Variants in ZFP64 observed in about 807,000 individuals in gnomAD.
The protein encoded by ZFP64 is ZFP64 zinc finger protein, also known as zinc finger protein 64.
Under a neutral mutation model 51.6 loss-of-function variants are expected in ZFP64, and 14 were observed. The observed-to-expected ratio is 0.27, with a 90% CI of 0.18 to 0.42. The LOEUF (loss-of-function observed/expected upper bound fraction) is 0.42, where lower values mean the gene tolerates loss of function less well. ZFP64 is among the 10% of genes least tolerant of loss of function. ZFP64 has a pLI of 1.00. For missense variants in ZFP64, 754 were observed against 906.8 expected (o/e 0.83, Z 2.16); for synonymous variants, 375 against 361.4 (o/e 1.04, Z -0.43).
At chr20:52,178,711 C>T (rs1450133932) in intron 2 of ZFP64, among the ~76,000 whole-genome samples, 1 of 151,974 alleles carries the variant, frequency 6.6e-6, no homozygotes, top group African/African-American at 2.4e-5. Flanking sequence ...AGGAAATGCC[C>T]CCTTTCCCAC....
intron 1 of ZFP64, 21 bp from the exon 2 acceptor site, chr20:52,187,092 G>GT: frequency 6.3e-7 from 1 of 1,590,706 alleles, no homozygotes; most frequent in Non-Finnish European, 8.6e-7. Context: ...CAAAGGGAAA[G>GT]TAACGGATTA....
chr20:52,136,082 G>C (rs1343618528), intron 5 of ZFP64, among the ~76,000 whole-genome samples: 1 of 121,064 alleles, frequency 8.3e-6, no homozygotes, highest in African/African-American at 3.1e-5. Context: ...CTAGGCGATG[G>C]AGGGAGACTC....
chr20:52,169,963 G>A (rs1351866262), intron 2 of ZFP64, among the ~76,000 whole-genome samples: 1 of 152,048 alleles, frequency 6.6e-6, no homozygotes, highest in Non-Finnish European at 1.5e-5. Flanking sequence ...TGAGGCAGGA[G>A]AATCGCTTGA....
intron 5 of ZFP64, among the ~76,000 whole-genome samples, chr20:52,123,028 C>T (rs1212916743): frequency 6.6e-5 from 10 of 152,000 alleles, no homozygotes; most frequent in African/African-American, 2.2e-4. Context: ...CACTCTGTCA[C>T]CCAGGTTGGA....
chr20:52,115,099 G>A (rs1414333580), intron 5 of ZFP64, among the ~76,000 whole-genome samples: 1 of 151,322 alleles, frequency 6.6e-6, no homozygotes, highest in Admixed American at 6.6e-5. Context: ...CAGGTACTGG[G>A]AGGCTGAGGC....
chr20:52,126,547 A>G (rs1979455788), intron 5 of ZFP64, among the ~76,000 whole-genome samples: 1 of 152,230 alleles, frequency 6.6e-6, no homozygotes, highest in Non-Finnish European at 1.5e-5. Context: ...TGCCCTATAA[A>G]GATGACTGTT....
At chr20:52,155,482 A>G (rs1029087772) in intron 5 of ZFP64, among the ~76,000 whole-genome samples, 1 of 152,214 alleles carries the variant, frequency 6.6e-6, no homozygotes, top group Non-Finnish European at 1.5e-5. Flanking sequence ...TAGGTTTTCC[A>G]GTTATATCCC....
chr20:52,156,278 C>T (rs1443544623), intron 5 of ZFP64, among the ~76,000 whole-genome samples: 2 of 152,212 alleles, frequency 1.3e-5, no homozygotes, highest in Non-Finnish European at 2.9e-5. Context: ...GCATGTTCTC[C>T]CGTGATCCAT....
intron 5 of ZFP64, chr20:52,104,642 C>T (rs1012502105): frequency 8.5e-6 from 4 of 468,530 alleles, no homozygotes; most frequent in African/African-American, 8.0e-5. Context: ...GAATGCTCTT[C>T]CCCCGGGTAC....
intron 5 of ZFP64, among the ~76,000 whole-genome samples, chr20:52,106,092 G>T (rs372634330): frequency 5.3e-5 from 8 of 152,284 alleles, no homozygotes; most frequent in East Asian, 3.9e-4. Flanking sequence ...CTCCCGCCCC[G>T]TGACTCGGGC....
chr20:52,181,567 G>A (rs1056257512), intron 2 of ZFP64, among the ~76,000 whole-genome samples: 1 of 152,188 alleles, frequency 6.6e-6, no homozygotes, highest in African/African-American at 2.4e-5. Context: ...GCGAGAAACG[G>A]TTTGGCTTAA....
At chr20:52,086,814 T>C (rs1357095904) in intron 8 of ZFP64, among the ~76,000 whole-genome samples, 2 of 152,232 alleles carry the variant, frequency 1.3e-5, no homozygotes, top group Admixed American at 1.3e-4. Flanking sequence ...TTTTTAAAAC[T>C]TCTGATTTAG....
chr20:52,153,001 C>T lies in ZFP64; in HGVS notation c.1191G>A (p.Met397Ile), dbSNP rs1383554060. 2 of 1,613,856 alleles carry T rather than the reference C, an allele frequency of 1.2e-6. No homozygotes were observed. Among genetic ancestry groups the T allele is most frequent in the Admixed American group, 1.7e-5 (1 of 60,008 alleles). Reference sequence around the variant, plus strand: ...TCCTCTCTAGAGCCTCAGTCTTAACCATGTCCCCATGGAACTTCTTCATGT... The same window carrying T: ...TCCTCTCTAGAGCCTCAGTCTTAACTATGTCCCCATGGAACTTCTTCATGT... ...SKHMKKFHGD[M>I]VKTEALERKD... The change falls in exon 6 of 6, where the codon ATG (methionine) becomes ATA (isoleucine). Residue 397 changes from methionine (M) to isoleucine (I), a missense_variant. Physicochemically the swap from Met to Ile is conservative, Grantham distance 10. Around this residue, in one of 3 missense-constraint regions of ZFP64, gnomAD observed 428 missense variants for 472.4 expected, o/e 0.91. Transcript: ENST00000216923. The surrounding 1 kb of genome is among the most constrained non-coding windows in gnomAD (Gnocchi z 5.1).
rs547331183 is a variant in ZFP64, at chr20:52,187,852, C to T, written c.47-781G>A. Among the ~76,000 whole-genome samples, 9 of 152,262 alleles carry T rather than the reference C, an allele frequency of 5.9e-5. No homozygotes were observed. The South Asian group carries it at 1.9e-3, about 32-fold the overall frequency. On this transcript the variant is annotated intron_variant, in intron 1 of 5. Coordinates refer to ENST00000216923, the MANE Select transcript of ZFP64 (RefSeq NM_018197.3). ...AAGGGATGTCCTGCACTTTGCAGAA[C>T]CAGCAGCCACCTCCTATCCCAACTA...
chr20:52,124,108 G>A (rs1025444931), intron 5 of ZFP64, among the ~76,000 whole-genome samples: 2 of 150,902 alleles, frequency 1.3e-5, no homozygotes, highest in Admixed American at 6.6e-5. Context: ...CTGACCTTGC[G>A]ATCCGCCTGC....
intron 5 of ZFP64, among the ~76,000 whole-genome samples, chr20:52,139,940 T>C (rs1980174917): frequency 1.3e-5 from 2 of 150,636 alleles, no homozygotes; most frequent in South Asian, 2.2e-4. Context: ...GGGGGCTCAC[T>C]TGGGGTCTCT....
At position 52,160,900 on chromosome 20, in the gene ZFP64, C is replaced by T. The variant is rs1981734330; in HGVS notation, c.512-526G>A. Among the ~76,000 whole-genome samples the T allele has an allele frequency of 6.6e-6, 1 of 152,180 alleles. No individual in the cohort carries two copies. Among genetic ancestry groups the T allele is most frequent in the Non-Finnish European group, 1.5e-5 (1 of 68,034 alleles). On this transcript the variant is annotated intron_variant, in intron 4 of 5. Transcript: ENST00000216923. The surrounding 1 kb of genome is among the most constrained non-coding windows in gnomAD (Gnocchi z 4.2). ...GTGTCTCTTTCACAAGAGGAAACGG[C>T]TTGCCTTTTACATTTTCTCTTTTCC...
At chr20:52,183,293 A>G (rs1983740161) in intron 2 of ZFP64, among the ~76,000 whole-genome samples, 1 of 152,232 alleles carries the variant, frequency 6.6e-6, no homozygotes, top group Non-Finnish European at 1.5e-5. Context: ...ACGAAGGCTC[A>G]GAGCCCAGAA....
intron 1 of ZFP64, among the ~76,000 whole-genome samples, chr20:52,187,620 C>G (rs1984067681): frequency 6.6e-6 from 1 of 150,822 alleles, no homozygotes; most frequent in Non-Finnish European, 1.5e-5. Context: ...GAAACTCTGT[C>G]TCAAAAAAAA....
Sources: gnomAD v4.1 joint callset for allele counts (sites outside exome capture counted in the v4.1 genomes callset) on GRCh38, gnomAD v4.1.1 for gene constraint, gnomAD v4.1.1 regional missense constraint, Gnocchi (gnomAD v3.1) non-coding constraint, MANE v1.5 for transcripts, NCBI Gene and HGNC (gene_info 2026-07-23, HGNC 2026-07-21) for gene names.